Variants in PRKAA2 observed in about 807,000 individuals in gnomAD.
The protein encoded by PRKAA2 is 5'-AMP-activated protein kinase catalytic subunit alpha-2.
A neutral mutation model predicts 56.3 loss-of-function variants in PRKAA2; 40 were observed. The ratio of observed to expected loss-of-function variants is 0.71; its 90% CI spans 0.55 to 0.92. PRKAA2 has a LOEUF of 0.92. Among genes scored for constraint, PRKAA2 ranks in the 40% least tolerant of loss-of-function variants. PRKAA2 has a pLI of 0.00. For missense variants in PRKAA2, 542 were observed against 686.9 expected (o/e 0.79, Z 2.36); for synonymous variants, 214 against 234.2 (o/e 0.91, Z 0.79).
intron 2 of PRKAA2, 84 bp downstream of exon 2, chr1:56,674,606 T>TATA: frequency 8.3e-7 from 1 of 1,197,922 alleles, no homozygotes; most frequent in Non-Finnish European, 1.1e-6. Context: ...TGTTAATTGT[T>TATA]AACCTTTTAC....
At chr1:56,688,658 A>T (rs970862039) in intron 2 of PRKAA2, among the ~76,000 whole-genome samples, 1 of 152,188 alleles carries the variant, frequency 6.6e-6, no homozygotes, top group African/African-American at 2.4e-5. Flanking sequence ...ATGTAGTATG[A>T]CTCAGTGTTG....
intron 1 of PRKAA2, among the ~76,000 whole-genome samples, chr1:56,658,510 A>G (rs1417322137): frequency 1.3e-5 from 2 of 151,960 alleles, no homozygotes; most frequent in African/African-American, 4.8e-5. Flanking sequence ...GGTGTTAAAG[A>G]GTCTACTGAA....
Position 56,706,094 on chromosome 1 carries a change from A to G in PRKAA2, c.1296A>G (p.Val432=), listed in dbSNP as rs1644329952. 1 of 1,606,592 alleles carries G rather than the reference A, an allele frequency of 6.2e-7. No homozygotes were observed. Among genetic ancestry groups the G allele is most frequent in the East Asian group, 2.2e-5 (1 of 44,788 alleles). The change falls in exon 8 of 9, where the codon GTA becomes GTG. Residue 432 remains valine, a splice_region_variant and synonymous_variant. Transcript: ENST00000371244. ...AMKQLDFEWK[V]VNAYHLRVRR... ...TTTTTATTGATTTTTCACTTTAGGT[A>G]GTGAATGCATACCATCTTCGTGTAA...
intron 5 of PRKAA2, 137 bp downstream of exon 5, chr1:56,693,989 G>T: frequency 1.8e-6 from 1 of 552,958 alleles, no homozygotes. Context: ...CACTGTTAAA[G>T]GGATAATGGT....
intron 1 of PRKAA2, among the ~76,000 whole-genome samples, chr1:56,654,874 A>G (rs1213179811): frequency 6.6e-6 from 1 of 151,948 alleles, no homozygotes; most frequent in East Asian, 1.9e-4. Context: ...AATATTCATA[A>G]TTCTCTTTTT....
chr1:56,661,591 T>C (rs1643995100), intron 1 of PRKAA2, among the ~76,000 whole-genome samples: 1 of 152,224 alleles, frequency 6.6e-6, no homozygotes, highest in South Asian at 2.1e-4. Flanking sequence ...AATTTGGTAG[T>C]TTTTACATCT....
At chr1:56,662,677 A>T (rs1458905847) in intron 1 of PRKAA2, among the ~76,000 whole-genome samples, 1 of 152,250 alleles carries the variant, frequency 6.6e-6, no homozygotes, top group African/African-American at 2.4e-5. Flanking sequence ...AAGAATTTAC[A>T]GTCCTCAGAG....
intron 2 of PRKAA2, among the ~76,000 whole-genome samples, chr1:56,682,406 A>C (rs1644161328): frequency 6.6e-6 from 1 of 152,204 alleles, no homozygotes; most frequent in South Asian, 2.1e-4. Context: ...TGAAGATCTG[A>C]CATGTGAAAA....
At chr1:56,696,819 A>G (rs994700978) in intron 6 of PRKAA2, among the ~76,000 whole-genome samples, 2 of 152,084 alleles carry the variant, frequency 1.3e-5, no homozygotes, top group African/African-American at 2.4e-5. Flanking sequence ...GCGCCTATGA[A>G]TATGACCTTT....
chr1:56,672,005 A>T lies in PRKAA2; in HGVS notation c.95-2376A>T, dbSNP rs149781231. Among the ~76,000 whole-genome samples the T allele has an allele frequency of 6.0e-3, 915 of 152,360 alleles. 5 individuals carry two copies. Among genetic ancestry groups the T allele is most frequent in the African/African-American group, 0.021 (872 of 41,594 alleles). ...GACTCCAAGAAATATTTAGGAGATT[A>T]TATCAGTTGACTTTTTCATTTGTAG... On this transcript the variant is annotated intron_variant, in intron 1 of 8. Transcript: ENST00000371244.
intron 2 of PRKAA2, among the ~76,000 whole-genome samples, chr1:56,686,416 G>T (rs1256579556): frequency 6.6e-6 from 1 of 152,162 alleles, no homozygotes; most frequent in African/African-American, 2.4e-5. Flanking sequence ...AAGAATGTTC[G>T]TGTTAGTCCA....
At chr1:56,690,793 C>T (rs1557557924) in intron 2 of PRKAA2, among the ~76,000 whole-genome samples, 1 of 152,142 alleles carries the variant, frequency 6.6e-6, no homozygotes, top group African/African-American at 2.4e-5. Flanking sequence ...TGCTATGTTG[C>T]CCAGGCTGGT....
chr1:56,707,350 A>G (rs1055901075), intron 8 of PRKAA2, 125 bp from the exon 9 acceptor site: 3 of 735,914 alleles, frequency 4.1e-6, no homozygotes, highest in Non-Finnish European at 6.9e-6. Context: ...CAGAAACATG[A>G]CATTCATTAT....
At chr1:56,702,367 GC>G (rs1165221045) in intron 6 of PRKAA2, among the ~76,000 whole-genome samples, 2 of 152,226 alleles carry the variant, frequency 1.3e-5, no homozygotes, top group African/African-American at 2.4e-5. Flanking sequence ...ACAGGCGTGA[GC>G]CACGGCGCCC....
intron 8 of PRKAA2, 84 bp downstream of exon 8, chr1:56,706,302 C>T: frequency 6.6e-7 from 1 of 1,504,016 alleles, no homozygotes; most frequent in Non-Finnish European, 9.0e-7. Context: ...TCGAAGACAT[C>T]CGGTGGGTAG....
Position 56,645,480 on chromosome 1 carries a change from G to C in PRKAA2, c.93G>C (p.Lys31Asn). 1 of 1,489,284 alleles carries C rather than the reference G, an allele frequency of 6.7e-7. No homozygotes were observed. The highest frequency in any genetic ancestry group is 9.0e-7 in the Non-Finnish European group (1 of 1,112,232). 92.3% of individuals were successfully genotyped at this position (1,489,284 alleles called of 1,614,324 possible). The change falls in exon 1 of 9, where the codon AAG becomes AAC. Residue 31 changes from lysine (K) to asparagine (N), a missense_variant and splice_region_variant. Lys to Asn is a moderately conservative substitution (Grantham distance 94, BLOSUM62 0). Transcript: ENST00000371244. ...GCGTCGGCACCTTCGGCAAAGTGAA[G>C]AGTTGAGTACGCGCTCCGGACCGCT... Reference protein sequence around the residue: ...TLGVGTFGKVKIGEHQLTGHK... With the variant: ...TLGVGTFGKVNIGEHQLTGHK...
intron 1 of PRKAA2, among the ~76,000 whole-genome samples, chr1:56,674,089 A>C (rs1644096569): frequency 6.6e-6 from 1 of 152,196 alleles, no homozygotes; most frequent in African/African-American, 2.4e-5. Flanking sequence ...AAAGTTGATT[A>C]TGTTTTTAGT....
chr1:56,706,038 C>T (rs1419390172), intron 7 of PRKAA2, 54 bp from the exon 8 acceptor site: 9 of 1,474,494 alleles, frequency 6.1e-6, no homozygotes, highest in Non-Finnish European at 7.4e-6. Flanking sequence ...ACTTTTTTTG[C>T]ATAAAAAGGT....
At chr1:56,695,874 G>C in intron 5 of PRKAA2, 61 bp from the exon 6 acceptor site, 1 of 1,386,796 alleles carries the variant, frequency 7.2e-7, no homozygotes, top group South Asian at 1.2e-5. Flanking sequence ...TATAGAAGTA[G>C]GGTACATAGA....
Sources: allele counts gnomAD v4.1 joint callset (sites outside exome capture counted in the v4.1 genomes callset), GRCh38; gene constraint gnomAD v4.1.1; transcripts MANE v1.5; gene names NCBI Gene and HGNC (gene_info 2026-07-23, HGNC 2026-07-21).